Variants in TMEM266 observed in about 807,000 individuals in gnomAD.
TMEM266 encodes the protein Hv1 related protein 1.
A neutral mutation model predicts 50.5 loss-of-function variants in TMEM266; 33 were observed. That is an observed-to-expected ratio of 0.65 (90% CI 0.50 to 0.87). TMEM266 has a LOEUF of 0.87. TMEM266 is among the 40% of genes least tolerant of loss of function. TMEM266 has a pLI of 0.00. For missense variants in TMEM266, 655 were observed against 695.1 expected, an observed-to-expected ratio of 0.94 and a Z score of 0.65; for synonymous variants, 310 against 292.3, an observed-to-expected ratio of 1.06 and a Z score of -0.62.
rs570538844 is a variant in TMEM266, at chr15:76,128,925, T to C, written c.-96-5243T>C. 4.6e-5 allele frequency among the ~76,000 whole-genome samples: 7 copies of C among 152,316 alleles called. No individual in the cohort carries two copies. In the East Asian group the frequency reaches 1.3e-3, roughly 29 times the overall value. On this transcript the variant is annotated intron_variant, in intron 1 of 10. Coordinates refer to ENST00000388942, the MANE Select transcript of TMEM266 (RefSeq NM_152335.3). ...TGAATGAATGAATCCCTGGAGCTGCTTAAACAACCATAAGCACCTCACTGA... is the reference window on the plus strand; with the variant it reads ...TGAATGAATGAATCCCTGGAGCTGCCTAAACAACCATAAGCACCTCACTGA...
rs1286814842 is a variant in TMEM266 at position 76,161,790 on chromosome 15, C to T, written c.456+1622C>T. On this transcript the variant is annotated intron_variant, in intron 5 of 10. Transcript: ENST00000388942. The surrounding 1 kb of genome is among the most constrained non-coding windows in gnomAD (Gnocchi z 4.1). ...GCTTACAGCCCCCATGTGGGTCTTG[C>T]CCTCCCTGGCCTCTTGTCTCTGCCC... 6.6e-6 allele frequency among the ~76,000 whole-genome samples: 1 copy of T among 152,194 alleles called. No individual in the cohort carries two copies. The highest frequency in any genetic ancestry group is 1.5e-5 in the Non-Finnish European group (1 of 68,030).
intron 9 of TMEM266, among the ~76,000 whole-genome samples, chr15:76,194,070 T>C (rs902365931): frequency 5.3e-5 from 8 of 152,244 alleles, no homozygotes; most frequent in African/African-American, 1.9e-4. Flanking sequence ...AGTAGGCTCC[T>C]GAGTTTGTGG....
Position 76,088,953 on chromosome 15 carries a change from G to A in TMEM266, c.-97+28937G>A, listed in dbSNP as rs112963927. On this transcript the variant is annotated intron_variant, in intron 1 of 10. Coordinates refer to ENST00000388942, the MANE Select transcript of TMEM266 (RefSeq NM_152335.3). Reference sequence around the variant, plus strand: ...TACTAAAAATACAAAAAGTAGCCAGGCATGGTGGCACATGCCTGTTACTCC... The same window carrying A: ...TACTAAAAATACAAAAAGTAGCCAGACATGGTGGCACATGCCTGTTACTCC... 4.2e-3 allele frequency among the ~76,000 whole-genome samples: 631 copies of A among 151,826 alleles called. 1 individual carries two copies. Among genetic ancestry groups the A allele is most frequent in the African/African-American group, 0.014 (592 of 41,452 alleles).
Position 76,161,055 on chromosome 15 carries a change from C to T in TMEM266, c.456+887C>T, listed in dbSNP as rs2038010961. ...TGCGCACTGGAGGGTCACTGAAGGA[C>T]AGGAGAGTTTCATGTGGAAAACTGG... On this transcript the variant is annotated intron_variant, in intron 5 of 10. Transcript: ENST00000388942. This position sits in a 1 kb window ranked among gnomAD's most constrained non-coding sequence, Gnocchi z 4.1. Among the ~76,000 whole-genome samples the T allele has an allele frequency of 6.6e-6, 1 of 152,166 alleles. No homozygotes were observed. The highest frequency in any genetic ancestry group is 1.5e-5 in the Non-Finnish European group (1 of 68,022).
At chr15:76,154,720 T>TC (rs2037898144) in intron 3 of TMEM266, among the ~76,000 whole-genome samples, 1 of 152,074 alleles carries the variant, frequency 6.6e-6, no homozygotes, top group Non-Finnish European at 1.5e-5. Flanking sequence ...GTCTTTGCAT[T>TC]CCCCACAGAG....
At chr15:76,088,658 G>A (rs970239797) in intron 1 of TMEM266, among the ~76,000 whole-genome samples, 1 of 151,576 alleles carries the variant, frequency 6.6e-6, no homozygotes, top group Non-Finnish European at 1.5e-5. Flanking sequence ...TTAGCCAGGC[G>A]TGGTGGCAGG....
At chr15:76,067,223 ACT>A (rs1183506466) in intron 1 of TMEM266, among the ~76,000 whole-genome samples, 1 of 152,190 alleles carries the variant, frequency 6.6e-6, no homozygotes, top group Non-Finnish European at 1.5e-5. Flanking sequence ...GAAAATTTAG[ACT>A]CTATAAGCAG....
chr15:76,173,720 G>C (rs975110546), intron 7 of TMEM266, among the ~76,000 whole-genome samples: 1 of 151,970 alleles, frequency 6.6e-6, no homozygotes, highest in African/African-American at 2.4e-5. Flanking sequence ...ATCACCTGAG[G>C]GCAGGAGTTT....
intron 8 of TMEM266, among the ~76,000 whole-genome samples, chr15:76,176,966 T>TGTGCC (rs1169699129): frequency 6.6e-6 from 1 of 152,254 alleles, no homozygotes; most frequent in East Asian, 1.9e-4. Context: ...TGACAAGCCC[T>TGTGCC]GTGCCATGCC....
chr15:76,154,765 A>G (rs2037899249), intron 3 of TMEM266, among the ~76,000 whole-genome samples: 1 of 152,200 alleles, frequency 6.6e-6, no homozygotes, highest in African/African-American at 2.4e-5. Flanking sequence ...CAGAGGAGTT[A>G]GAAAATATTC....
Position 76,192,045 on chromosome 15 carries a change from G to A in TMEM266, c.846G>A (p.Gln282=). 6.5e-7 allele frequency: 1 copy of A among 1,545,240 alleles called. No homozygotes were observed. The highest frequency in any genetic ancestry group is 1.4e-5 in the African/African-American group (1 of 69,884). The change falls in exon 9 of 11, where the codon CAG becomes CAA. Residue 282 remains glutamine (Q), a synonymous_variant. Coordinates refer to ENST00000388942, the MANE Select transcript of TMEM266 (RefSeq NM_152335.3). ...CTGCCGAGCGCGAAGCGGCGCTCCA[G>A]GCCCCGCACGTGCTCAGCCAGCCGC... is the stretch of plus-strand genomic sequence containing the variant.
intron 1 of TMEM266, among the ~76,000 whole-genome samples, chr15:76,061,252 G>A (rs1338534534): frequency 6.6e-6 from 1 of 152,192 alleles, no homozygotes; most frequent in Non-Finnish European, 1.5e-5. Context: ...ATCTAATCAC[G>A]AGAAGGACAT....
intron 1 of TMEM266, among the ~76,000 whole-genome samples, chr15:76,132,652 C>G (rs1005555176): frequency 6.7e-6 from 1 of 150,270 alleles, no homozygotes; most frequent in South Asian, 2.1e-4. Flanking sequence ...AAAAATTAGC[C>G]CAGGTGGTGG....
intron 3 of TMEM266, among the ~76,000 whole-genome samples, chr15:76,140,588 A>G (rs932421150): frequency 1.8e-4 from 28 of 152,176 alleles, no homozygotes; most frequent in African/African-American, 6.8e-4. Flanking sequence ...CCCGCCTCCC[A>G]GTGCTCTTGA....
intron 1 of TMEM266, among the ~76,000 whole-genome samples, chr15:76,132,554 G>T (rs2037526218): frequency 6.6e-6 from 1 of 151,676 alleles, no homozygotes; most frequent in South Asian, 2.1e-4. Flanking sequence ...CCAGCACTTT[G>T]GGAGGCCGAG....
At chr15:76,155,416 AC>A (rs1277629876) in intron 3 of TMEM266, among the ~76,000 whole-genome samples, 5 of 151,566 alleles carry the variant, frequency 3.3e-5, no homozygotes. Flanking sequence ...AGATTCTGTG[AC>A]CCCTCCCACC....
chr15:76,123,321 A>G (rs2037370378), intron 1 of TMEM266, among the ~76,000 whole-genome samples: 1 of 152,218 alleles, frequency 6.6e-6, no homozygotes, highest in Admixed American at 6.5e-5. Context: ...CTCATCAAGC[A>G]CAAGAAATAC....
chr15:76,126,735 G>A (rs2037429569), intron 1 of TMEM266, among the ~76,000 whole-genome samples: 1 of 152,010 alleles, frequency 6.6e-6, no homozygotes, highest in South Asian at 2.1e-4. Flanking sequence ...CACCATGTTG[G>A]CCAGGCTGGT....
At chr15:76,150,970 G>A (rs1596136562) in intron 3 of TMEM266, among the ~76,000 whole-genome samples, 1 of 152,194 alleles carries the variant, frequency 6.6e-6, no homozygotes, top group Non-Finnish European at 1.5e-5. Context: ...ATTTCTCTGA[G>A]GCCTCAAGAG....
Sources: gnomAD v4.1 joint callset for allele counts (sites outside exome capture counted in the v4.1 genomes callset) on GRCh38, gnomAD v4.1.1 for gene constraint, Gnocchi (gnomAD v3.1) non-coding constraint, MANE v1.5 for transcripts, NCBI Gene and HGNC (gene_info 2026-07-23, HGNC 2026-07-21) for gene names.